WARS2: variants seen among roughly 807,000 people sequenced by gnomAD.
WARS2 encodes the protein tryptophanyl tRNA synthetase 2, mitochondrial, also known as tryptophan--tRNA ligase, mitochondrial.
WARS2 carries 28 observed loss-of-function variants against 36.5 expected under a neutral mutation model. The observed-to-expected ratio is 0.77, with a 90% confidence interval of 0.57 to 1.05. WARS2 has a LOEUF of 1.05. Among genes scored for constraint, WARS2 ranks in the 50% least tolerant of loss-of-function variants. WARS2 has a pLI of 0.00. For missense variants in WARS2, 435 were observed against 456.8 expected (o/e 0.95, Z 0.44); for synonymous variants, 174 against 178.4 (o/e 0.98, Z 0.20).
intron 1 of WARS2, among the ~76,000 whole-genome samples, chr1:119,115,537 T>C (rs1022504605): frequency 6.6e-6 from 1 of 152,206 alleles, no homozygotes; most frequent in Non-Finnish European, 1.5e-5. Context: ...TTTTCTCTAC[T>C]GTATCCAGAT....
rs1647597140 is a variant in WARS2, at chr1:119,033,276, T to C, written c.718A>G (p.Ile240Val). 2 of 1,614,234 alleles carry C rather than the reference T, an allele frequency of 1.2e-6. No individual in the cohort carries two copies. The highest frequency in any genetic ancestry group is 1.7e-6 in the Non-Finnish European group (2 of 1,180,046). The change falls in exon 6 of 6, where the codon ATA becomes GTA. Residue 240 changes from isoleucine to valine, a missense_variant. Ile to Val is a conservative substitution (Grantham distance 29). Coordinates refer to ENST00000235521, the MANE Select transcript of WARS2 (RefSeq NM_015836.4). Reference protein sequence around the residue: ...SDPDKLATVRITDSPEEIVQK... With the variant: ...SDPDKLATVRVTDSPEEIVQK... Reference sequence around the variant, plus strand: ...ACTATCTCCTCTGGGCTGTCTGTTATTCGGACGGTGGCCAGTTTGTCAGGG... The same window carrying C: ...ACTATCTCCTCTGGGCTGTCTGTTACTCGGACGGTGGCCAGTTTGTCAGGG...
At chr1:119,055,682 CAAGA>C (rs1469851736) in intron 2 of WARS2, among the ~76,000 whole-genome samples, 1 of 130,766 alleles carries the variant, frequency 7.6e-6, no homozygotes, top group Non-Finnish European at 1.6e-5. Flanking sequence ...AGAAGAAAGG[CAAGA>C]AAGAAAGAAA....
At chr1:119,055,269 A>G (rs1409666404) in intron 2 of WARS2, among the ~76,000 whole-genome samples, 2 of 152,162 alleles carry the variant, frequency 1.3e-5, no homozygotes, top group African/African-American at 2.4e-5. Context: ...TCTAGAAGAT[A>G]GCTGGTAATA....
At chr1:119,066,295 G>GCA (rs1557955731) in intron 2 of WARS2, among the ~76,000 whole-genome samples, 6 of 151,588 alleles carry the variant, frequency 4.0e-5, no homozygotes, top group South Asian at 2.1e-4. Flanking sequence ...TGGCTAATAC[G>GCA]GTGAAACCCC....
At chr1:119,124,261 G>A (rs1655509113) in intron 1 of WARS2, among the ~76,000 whole-genome samples, 1 of 152,144 alleles carries the variant, frequency 6.6e-6, no homozygotes, top group Admixed American at 6.6e-5. Context: ...GGGAGGCCAA[G>A]GTGGGCAGAT....
intron 1 of WARS2, among the ~76,000 whole-genome samples, chr1:119,123,580 G>C (rs1655465716): frequency 6.6e-6 from 1 of 150,748 alleles, no homozygotes; most frequent in Non-Finnish European, 1.5e-5. Flanking sequence ...CTGTGTGCAA[G>C]AGCATGCACT....
rs776711976 is a variant in WARS2, at chr1:119,035,391, G to A, written c.516-1178C>T. On this transcript the variant is annotated intron_variant, in intron 4 of 5. Coordinates refer to ENST00000235521, the MANE Select transcript of WARS2 (RefSeq NM_015836.4). ...AGTTTCTTACCCTTTCTAAGCCTTC[G>A]TTTCCTCTGTAAAGTGAGGTTCATC... Among the ~76,000 whole-genome samples, 4 of 152,028 alleles carry A rather than the reference G, an allele frequency of 2.6e-5. No individual in the cohort carries two copies. In the South Asian group the frequency reaches 6.2e-4, roughly 24 times the overall value.
At chr1:119,034,031 A>ATCT in intron 5 of WARS2, 64 bp downstream of exon 5, 1 of 1,436,622 alleles carries the variant, frequency 7.0e-7, no homozygotes. Context: ...TTCCAAGCCT[A>ATCT]TCTATTGTCC....
intron 3 of WARS2, among the ~76,000 whole-genome samples, chr1:119,044,126 G>C (rs945452490): frequency 6.6e-6 from 1 of 152,138 alleles, no homozygotes; most frequent in Non-Finnish European, 1.5e-5. Flanking sequence ...AAGACTCACA[G>C]AAGATATCAC....
rs373609252 is a variant in WARS2, at chr1:119,135,753, G to GAT, written c.90+4801_90+4802insAT. ...AGATAGATAGATAGATAGATAGATA[G>GAT]AGAGATAGAGAGAGAGAGAGAGATG... On this transcript the variant is annotated intron_variant, in intron 1 of 5. Transcript: ENST00000235521. Among the ~76,000 whole-genome samples the GAT allele has an allele frequency of 1.3e-3, 111 of 83,986 alleles. No homozygotes were observed. The East Asian group carries it at 0.015, about 12-fold the overall frequency. 55.1% of individuals were successfully genotyped at this position (83,986 alleles called of 152,430 possible). A position where few individuals can be genotyped will look rare whatever the true frequency, so the allele number is the denominator to read the frequency against.
chr1:119,131,126 G>C (rs1485027606), intron 1 of WARS2, among the ~76,000 whole-genome samples: 1 of 152,172 alleles, frequency 6.6e-6, no homozygotes, highest in East Asian at 1.9e-4. Flanking sequence ...CAAAATGGAA[G>C]CAATCATTTC....
chr1:119,073,178 AGAAAG>A (rs1651461237), intron 2 of WARS2, among the ~76,000 whole-genome samples: 1 of 151,106 alleles, frequency 6.6e-6, no homozygotes, highest in Admixed American at 6.7e-5. Flanking sequence ...AAAAAAGAAA[AGAAAG>A]TAACATCAGT....
In WARS2 at chr1:119,041,963, G is replaced by A. The variant is rs141772669; in HGVS notation, c.515+301C>T. Reference sequence around the variant, plus strand: ...AGAGTGCAAATTTTAGAAGGTTGTTGTAAGGGTTGATGTATATAAAGTACT... The same window carrying A: ...AGAGTGCAAATTTTAGAAGGTTGTTATAAGGGTTGATGTATATAAAGTACT... On this transcript the variant is annotated intron_variant, in intron 4 of 5. Transcript: ENST00000235521. Among the ~76,000 whole-genome samples, 463 of 152,272 alleles carry A rather than the reference G, an allele frequency of 3.0e-3. 2 individuals carry two copies. The highest frequency in any genetic ancestry group is 0.01 in the Middle Eastern group (3 of 294).
chr1:119,057,059 A>G (rs1191708685), intron 2 of WARS2, among the ~76,000 whole-genome samples: 1 of 152,190 alleles, frequency 6.6e-6, no homozygotes, highest in Non-Finnish European at 1.5e-5. Context: ...AAGTTTGGTC[A>G]TCCAAGTGGG....
intron 1 of WARS2, among the ~76,000 whole-genome samples, chr1:119,128,599 GC>G (rs1231606488): frequency 2.6e-5 from 1 of 38,690 alleles, no homozygotes; most frequent in Non-Finnish European, 5.5e-5. Context: ...CCCACCCTGC[GC>G]CCCCCACAAT....
rs1199645542 is a variant in WARS2 at position 119,031,622 on chromosome 1, A to ATTTTGT, written c.*1288_*1289insACAAAA. ...TTTCTGTTACAAAATCGATCTTGCT[A>ATTTTGT]ACAGGTCTTGGTGTATAAGTTAGGA... On this transcript the variant is annotated 3_prime_UTR_variant, in exon 6 of 6. Coordinates refer to ENST00000235521, the MANE Select transcript of WARS2 (RefSeq NM_015836.4). 1 of 152,224 alleles carries ATTTTGT rather than the reference A, an allele frequency of 6.6e-6. No individual in the cohort carries two copies. Among genetic ancestry groups the ATTTTGT allele is most frequent in the East Asian group, 1.9e-4 (1 of 5,192 alleles). 9.4% of individuals were successfully genotyped at this position (152,224 alleles called of 1,614,324 possible).
At chr1:119,131,723 A>G (rs1656128751) in intron 1 of WARS2, among the ~76,000 whole-genome samples, 1 of 151,916 alleles carries the variant, frequency 6.6e-6, no homozygotes, top group Non-Finnish European at 1.5e-5. Context: ...GGCCTCCCAA[A>G]GTGCTGGGAT....
intron 2 of WARS2, among the ~76,000 whole-genome samples, chr1:119,048,464 G>A (rs1447195356): frequency 6.6e-6 from 1 of 152,090 alleles, no homozygotes; most frequent in East Asian, 1.9e-4. Flanking sequence ...TAAGATAATT[G>A]TACATTCACA....
intron 5 of WARS2, 31 bp downstream of exon 5, chr1:119,034,064 C>A: frequency 6.3e-7 from 1 of 1,577,588 alleles, no homozygotes; most frequent in Non-Finnish European, 8.7e-7. Context: ...AGAATATACC[C>A]TGATGTAACA....
Sources: gnomAD v4.1 joint callset for allele counts (sites outside exome capture counted in the v4.1 genomes callset) on GRCh38, gnomAD v4.1.1 for gene constraint, MANE v1.5 for transcripts, NCBI Gene and HGNC (gene_info 2026-07-23, HGNC 2026-07-21) for gene names.